The following CORIN variants were observed in gnomAD, a reference collection of about 807,000 sequenced individuals.
The protein encoded by CORIN is atrial natriuretic peptide-converting enzyme.
Under a neutral mutation model 125.3 loss-of-function variants are expected in CORIN, and 117 were observed. The ratio of observed to expected loss-of-function variants is 0.93; its 90% CI spans 0.80 to 1.09. The LOEUF (loss-of-function observed/expected upper bound fraction) is 1.09. Among genes scored for constraint, CORIN ranks in the 50% least tolerant of loss-of-function variants. The probability of loss-of-function intolerance (pLI) is 0.00; values close to 1 mark genes in which losing one functional copy is unlikely to be tolerated. For missense variants in CORIN, 1,253 were observed against 1,306.7 expected, an observed-to-expected ratio of 0.96 and a Z score of 0.63; for synonymous variants, 450 against 466.4, an observed-to-expected ratio of 0.96 and a Z score of 0.45.
chr4:47,732,366 A>G (rs1387319156), intron 5 of CORIN, among the ~76,000 whole-genome samples: 1 of 152,096 alleles, frequency 6.6e-6, no homozygotes, highest in East Asian at 1.9e-4. Context: ...TCACAACCCC[A>G]CATCTCTTCT....
At chr4:47,615,188 A>G (rs1722028037) in intron 19 of CORIN, among the ~76,000 whole-genome samples, 1 of 152,190 alleles carries the variant, frequency 6.6e-6, no homozygotes, top group Admixed American at 6.5e-5. Flanking sequence ...GAGTGATGGG[A>G]GACTAGAAGG....
At chr4:47,609,955 T>C (rs1267263341) in intron 19 of CORIN, among the ~76,000 whole-genome samples, 1 of 152,238 alleles carries the variant, frequency 6.6e-6, no homozygotes, top group Non-Finnish European at 1.5e-5. Context: ...TATGGCTGCA[T>C]AGGATTCCAT....
At chr4:47,775,145 C>T (rs73150653) in intron 3 of CORIN, among the ~76,000 whole-genome samples, 81 of 152,126 alleles carry the variant, frequency 5.3e-4, no homozygotes, top group African/African-American at 1.9e-3. Flanking sequence ...TGGAACAGCT[C>T]CCCTGGAGGG....
chr4:47,694,711 C>T (rs1725907222), intron 5 of CORIN, among the ~76,000 whole-genome samples: 1 of 152,174 alleles, frequency 6.6e-6, no homozygotes, highest in Non-Finnish European at 1.5e-5. Flanking sequence ...CAGCGGAGTG[C>T]CTGGCACTCA....
rs563925474 is a variant in CORIN at position 47,653,876 on chromosome 4, C to A, written c.1736-216G>T. Among the ~76,000 whole-genome samples, 5 of 152,230 alleles carry A rather than the reference C, an allele frequency of 3.3e-5. No homozygotes were observed. The East Asian group carries it at 7.7e-4, about 23-fold the overall frequency. On this transcript the variant is annotated intron_variant, in intron 12 of 21. Coordinates refer to ENST00000273857, the MANE Select transcript of CORIN (RefSeq NM_006587.4). ...TCATCCCTCTAGATACGCGGTTTAA[C>A]ATCTATGTATTCCAATGATTAATTT...
chr4:47,601,800 A>C (rs978704461), intron 20 of CORIN, among the ~76,000 whole-genome samples: 2 of 152,178 alleles, frequency 1.3e-5, no homozygotes, highest in Non-Finnish European at 2.9e-5. Flanking sequence ...TGAAAAAGTC[A>C]TTGACTTCTG....
intron 3 of CORIN, among the ~76,000 whole-genome samples, chr4:47,779,436 C>G (rs199507859): frequency 5.0e-5 from 7 of 140,168 alleles, no homozygotes; most frequent in African/African-American, 1.9e-4. Context: ...TTTTTTTTTT[C>G]TTTTTTTTTT....
intron 5 of CORIN, among the ~76,000 whole-genome samples, chr4:47,726,453 G>C (rs572937552): frequency 6.6e-6 from 1 of 152,198 alleles, no homozygotes; most frequent in South Asian, 2.1e-4. Flanking sequence ...TTTCAAAAGG[G>C]AATATACTGT....
At chr4:47,716,179 T>C (rs890681917) in intron 5 of CORIN, among the ~76,000 whole-genome samples, 2 of 152,356 alleles carry the variant, frequency 1.3e-5, no homozygotes, top group East Asian at 1.9e-4. Context: ...ATGATTGGAA[T>C]TGGGTTCATT....
intron 4 of CORIN, 65 bp from the exon 5 acceptor site, chr4:47,744,648 TG>T (rs1728580771): frequency 1.4e-6 from 2 of 1,439,966 alleles, no homozygotes. Flanking sequence ...GAAATAATAG[TG>T]AAATTAAAGT....
chr4:47,772,410 T>G (rs1730089232), intron 3 of CORIN, among the ~76,000 whole-genome samples: 1 of 152,228 alleles, frequency 6.6e-6, no homozygotes, highest in Non-Finnish European at 1.5e-5. Context: ...TAAGTGAGAC[T>G]TAACATTGCA....
intron 19 of CORIN, among the ~76,000 whole-genome samples, chr4:47,617,391 G>T (rs916374340): frequency 6.6e-6 from 1 of 152,176 alleles, no homozygotes. Flanking sequence ...AATTTAAAAC[G>T]AGAGAGCTCC....
chr4:47,692,475 G>T (rs1725813406), intron 6 of CORIN, among the ~76,000 whole-genome samples: 1 of 151,710 alleles, frequency 6.6e-6, no homozygotes, highest in Admixed American at 6.6e-5. Flanking sequence ...ATAAATTGAG[G>T]ACACATAAGG....
intron 4 of CORIN, among the ~76,000 whole-genome samples, chr4:47,752,012 C>T (rs1459007640): frequency 6.6e-5 from 10 of 152,032 alleles, no homozygotes; most frequent in Non-Finnish European, 1.2e-4. Flanking sequence ...GGACTGATCC[C>T]ATCATGACCT....
At chr4:47,669,725 C>T (rs10029980) in intron 10 of CORIN, among the ~76,000 whole-genome samples, 38,161 of 151,972 alleles carry the variant, frequency 0.25, 6,322 homozygotes, top group East Asian at 0.58. Flanking sequence ...CCCACCACCA[C>T]GTCCAGCTAA....
chr4:47,614,173 C>CT (rs1186104207), intron 19 of CORIN, among the ~76,000 whole-genome samples: 20 of 152,098 alleles, frequency 1.3e-4, no homozygotes, highest in Admixed American at 7.9e-4. Flanking sequence ...TTGAAGCTTA[C>CT]TTTACCCCCA....
chr4:47,740,672 A>G (rs1166783913), intron 5 of CORIN, among the ~76,000 whole-genome samples: 1 of 151,968 alleles, frequency 6.6e-6, no homozygotes. Context: ...GACCCAGGAT[A>G]GCTAAAGTAA....
In CORIN at chr4:47,677,966, A is replaced by G; in HGVS notation, c.1221T>C (p.Asp407=). The G allele has an allele frequency of 6.2e-7, 1 of 1,613,920 alleles. No individual in the cohort carries two copies. Among genetic ancestry groups the G allele is most frequent in the African/African-American group, 1.3e-5 (1 of 75,050 alleles). The stretch of plus-strand genomic sequence containing the variant: ...CGCTGCAGTTCTCCTCATCACTCCC[A>G]TCCTTGCAGTCCTCGTCACCATCAC... ...FQCDGDEDCK[D]GSDEENCSVI... Residue 407 remains aspartate (D), a synonymous_variant, in exon 9 of 22, where the codon GAT becomes GAC. Transcript: ENST00000273857.
intron 5 of CORIN, among the ~76,000 whole-genome samples, chr4:47,697,271 G>GA (rs1159694458): frequency 1.3e-5 from 2 of 152,066 alleles, no homozygotes; most frequent in East Asian, 3.9e-4. Flanking sequence ...AAAGGGGAGA[G>GA]AAAATCTAAG....
Sources: gnomAD v4.1 joint callset for allele counts (sites outside exome capture counted in the v4.1 genomes callset) on GRCh38, gnomAD v4.1.1 for gene constraint, MANE v1.5 for transcripts, NCBI Gene and HGNC (gene_info 2026-07-23, HGNC 2026-07-21) for gene names.